GAN: variants seen among roughly 807,000 people sequenced by gnomAD.
GAN encodes the protein epididymis secretory sperm binding protein.
In GAN, 48 loss-of-function variants were observed where a neutral mutation model predicts 71.3. The observed-to-expected ratio is 0.67, with a 90% CI of 0.53 to 0.86. GAN has a LOEUF of 0.86. GAN is among the 40% of genes least tolerant of loss of function. The probability of loss-of-function intolerance (pLI) is 0.00; values close to 1 mark genes in which losing one functional copy is unlikely to be tolerated. For missense variants in GAN, 928 were observed against 770.1 expected (o/e 1.21, Z -2.43); for synonymous variants, 386 against 276.8 (o/e 1.39, Z -3.92).
In GAN at chr16:81,378,794, CTCCTTTCCT is replaced by C. The variant is rs942955695; in HGVS notation, c.*1199_*1207del. On this transcript the variant is annotated 3_prime_UTR_variant, in exon 11 of 11. Transcript: ENST00000648994. The stretch of plus-strand genomic sequence containing the variant: ...AGCAAATTAATCTTTTCCTCCTTCC[CTCCTTTCCT>C]ATCTCTCATTCTCACCTCAACCCAC... The C allele has an allele frequency of 5.9e-5, 9 of 152,692 alleles. No homozygotes were observed. The highest frequency in any genetic ancestry group is 1.9e-4 in the African/African-American group (8 of 41,558). 9.5% of individuals were successfully genotyped at this position (152,692 alleles called of 1,614,324 possible). A position where few individuals can be genotyped will look rare whatever the true frequency, so the allele number is the denominator to read the frequency against.
rs1283217508 is a variant in GAN, at chr16:81,389,409, A to G, written c.*11813A>G. The G allele has an allele frequency of 6.6e-6, 1 of 152,170 alleles. No individual in the cohort carries two copies. The highest frequency in any genetic ancestry group is 1.9e-4 in the East Asian group (1 of 5,202). 9.4% of individuals were successfully genotyped at this position (152,170 alleles called of 1,614,324 possible). A position where few individuals can be genotyped will look rare whatever the true frequency, so the allele number is the denominator to read the frequency against. ...GTGGCCTCAGCAGAAGTTTTGAACA[A>G]TCTTTGCAGCCACTGTTGGGGTGTG... is the stretch of plus-strand genomic sequence containing the variant. On this transcript the variant is annotated 3_prime_UTR_variant, in exon 11 of 11. Transcript: ENST00000648994.
At chr16:81,317,489 G>T (rs796474978) in intron 1 of GAN, among the ~76,000 whole-genome samples, 33 of 152,352 alleles carry the variant, frequency 2.2e-4, no homozygotes, top group African/African-American at 7.9e-4. Context: ...GAAGAAATAC[G>T]TAATAGTGTT....
At chr16:81,353,400 G>C (rs1480179628) in intron 2 of GAN, among the ~76,000 whole-genome samples, 2 of 151,262 alleles carry the variant, frequency 1.3e-5, no homozygotes, top group Non-Finnish European at 2.9e-5. Flanking sequence ...GCCTATATTT[G>C]AAGAGTCTAC....
intron 1 of GAN, among the ~76,000 whole-genome samples, chr16:81,340,781 G>A (rs748819297): frequency 6.6e-6 from 1 of 151,954 alleles, no homozygotes; most frequent in Non-Finnish European, 1.5e-5. Flanking sequence ...AAAACTGGAT[G>A]GATAATGAAT....
In GAN at chr16:81,378,517, T is replaced by C. The variant is rs1904289909; in HGVS notation, c.*921T>C. The stretch of plus-strand genomic sequence containing the variant: ...GCTAAAAAAGCAAAAACAAAAAAGC[T>C]ATCCAGACAAAATACATAGGGATCA... On this transcript the variant is annotated 3_prime_UTR_variant, in exon 11 of 11. Coordinates refer to ENST00000648994, the MANE Select transcript of GAN (RefSeq NM_022041.4). 2 of 152,216 alleles carry C rather than the reference T, an allele frequency of 1.3e-5. No individual in the cohort carries two copies. Among genetic ancestry groups the C allele is most frequent in the Admixed American group, 1.3e-4 (2 of 15,274 alleles). The allele number at this position is 152,216 out of a possible 1,614,324, so 9.4% of individuals were successfully genotyped here.
intron 9 of GAN, among the ~76,000 whole-genome samples, chr16:81,372,954 C>CT (rs1911082278): frequency 6.6e-6 from 1 of 152,172 alleles, no homozygotes; most frequent in African/African-American, 2.4e-5. Flanking sequence ...TCCCAGCAGA[C>CT]TACCTGACAC....
chr16:81,339,292 T>C (rs1197203564), intron 1 of GAN, among the ~76,000 whole-genome samples: 1 of 152,210 alleles, frequency 6.6e-6, no homozygotes, highest in Non-Finnish European at 1.5e-5. Context: ...CATTAAAGTT[T>C]GAGAAGCACT....
Position 81,354,691 on chromosome 16 carries a change from G to A in GAN, c.569G>A (p.Gly190Asp). The A allele has an allele frequency of 6.2e-7, 1 of 1,613,514 alleles. No homozygotes were observed. Among genetic ancestry groups the A allele is most frequent in the Non-Finnish European group, 8.5e-7 (1 of 1,179,422 alleles). Reference sequence around the variant, plus strand: ...ATTTCTCTTGAGAAGTTAAACGTTGGCAATGAAAGATATGTCTTTGAAGCA... The same window carrying A: ...ATTTCTCTTGAGAAGTTAAACGTTGACAATGAAAGATATGTCTTTGAAGCA... ...EVISLEKLNVGNERYVFEAVI... is the reference protein window; with the variant it reads ...EVISLEKLNVDNERYVFEAVI... The change falls in exon 3 of 11, where the codon GGC becomes GAC. Residue 190 changes from glycine (G) to aspartate (D), a missense_variant. By Grantham distance (94) the Gly-to-Asp change is moderately conservative. Coordinates refer to ENST00000648994, the MANE Select transcript of GAN (RefSeq NM_022041.4).
intron 1 of GAN, among the ~76,000 whole-genome samples, chr16:81,344,217 C>T (rs755993084): frequency 6.6e-6 from 1 of 152,192 alleles, no homozygotes; most frequent in African/African-American, 2.4e-5. Flanking sequence ...ATGCTATCCC[C>T]ATCAAGCTGC....
chr16:81,332,084 C>G lies in GAN; in HGVS notation c.167+16804C>G, dbSNP rs539530824. ...GCTGAGGCAGGAGAATCGCTTGAAC[C>G]TGGGAGGCAGAGGTTGCGGTGAGCC... On this transcript the variant is annotated intron_variant, in intron 1 of 10. Coordinates refer to ENST00000648994, the MANE Select transcript of GAN (RefSeq NM_022041.4). Among the ~76,000 whole-genome samples, 149 of 151,542 alleles carry G rather than the reference C, an allele frequency of 9.8e-4. 1 individual carries two copies. Among genetic ancestry groups the G allele is most frequent in the Non-Finnish European group, 1.5e-3 (102 of 67,984 alleles).
In GAN at chr16:81,329,388, T is replaced by C. The variant is rs1376512031; in HGVS notation, c.167+14108T>C. On this transcript the variant is annotated intron_variant, in intron 1 of 10. Coordinates refer to ENST00000648994, the MANE Select transcript of GAN (RefSeq NM_022041.4). ...TGGCCAAATAAACTCTCTACTTATA[T>C]TGGAAAAAAAGAAAAAAAGTAAACA... 3.3e-5 allele frequency among the ~76,000 whole-genome samples: 5 copies of C among 152,258 alleles called. No individual in the cohort carries two copies. The South Asian group carries it at 6.2e-4, about 19-fold the overall frequency.
In GAN at chr16:81,315,232, A is replaced by G; in HGVS notation, c.119A>G (p.Glu40Gly). ...GCGCACCTGGTCCTCGACGGGGAGGAGATCCCGGTGCAGAAGAACATCCTG... is the reference window on the plus strand; with the variant it reads ...GCGCACCTGGTCCTCGACGGGGAGGGGATCCCGGTGCAGAAGAACATCCTG... ...CDAHLVLDGE[E>G]IPVQKNILAA... The change falls in exon 1 of 11, where the codon GAG becomes GGG. Residue 40 changes from glutamate (E) to glycine (G), a missense_variant. By Grantham distance (98) the Glu-to-Gly change is moderately conservative (BLOSUM62 -2). Coordinates refer to ENST00000648994, the MANE Select transcript of GAN (RefSeq NM_022041.4). The G allele has an allele frequency of 6.3e-7, 1 of 1,581,868 alleles. No homozygotes were observed. The highest frequency in any genetic ancestry group is 8.6e-7 in the Non-Finnish European group (1 of 1,166,178).
intron 9 of GAN, among the ~76,000 whole-genome samples, chr16:81,376,296 C>A (rs1251607844): frequency 6.6e-6 from 1 of 151,916 alleles, no homozygotes; most frequent in Non-Finnish European, 1.5e-5. Context: ...TCATAACAGC[C>A]AAAAACTGGA....
intron 1 of GAN, among the ~76,000 whole-genome samples, chr16:81,317,664 A>G (rs1327459851): frequency 6.6e-6 from 1 of 152,264 alleles, no homozygotes; most frequent in Non-Finnish European, 1.5e-5. Context: ...AACTAGGATT[A>G]GACTCCAAAT....
At position 81,386,158 on chromosome 16, in the gene GAN, C is replaced by G. The variant is rs1281080767; in HGVS notation, c.*8562C>G. On this transcript the variant is annotated 3_prime_UTR_variant, in exon 11 of 11. Transcript: ENST00000648994. ...CAGCCCAAAATATGTGTTTAGAATA[C>G]TTAGAGTTTGTTATAAATAACCCTC... The G allele has an allele frequency of 6.6e-6, 1 of 152,202 alleles. No homozygotes were observed. Among genetic ancestry groups the G allele is most frequent in the East Asian group, 1.9e-4 (1 of 5,196 alleles). 9.4% of individuals were successfully genotyped at this position (152,202 alleles called of 1,614,324 possible). A position where few individuals can be genotyped will look rare whatever the true frequency, so the allele number is the denominator to read the frequency against.
intron 9 of GAN, among the ~76,000 whole-genome samples, chr16:81,367,686 C>G (rs149753398): frequency 6.6e-6 from 1 of 152,120 alleles, no homozygotes; most frequent in African/African-American, 2.4e-5. Context: ...ACATATAACA[C>G]CAAATGCCAT....
chr16:81,357,832 A>T lies in GAN; in HGVS notation c.874A>T (p.Met292Leu). 1 of 1,613,312 alleles carries T rather than the reference A, an allele frequency of 6.2e-7. No homozygotes were observed. The highest frequency in any genetic ancestry group is 8.5e-7 in the Non-Finnish European group (1 of 1,179,204). Residue 292 changes from methionine (M) to leucine (L), a missense_variant, in exon 5 of 11, where the codon ATG becomes TTG. Coordinates refer to ENST00000648994, the MANE Select transcript of GAN (RefSeq NM_022041.4). ...ERVSRKPTAA[M>L]RCMCPLYDPN... ...TAGTTCACGGAAACCCACAGCAGCG[A>T]TGCGATGCATGTGCCCTCTCTATGA...
At chr16:81,334,976 A>G (rs1272849342) in intron 1 of GAN, among the ~76,000 whole-genome samples, 4 of 152,150 alleles carry the variant, frequency 2.6e-5, no homozygotes, top group Admixed American at 6.5e-5. Context: ...ATGGATATTG[A>G]CATTAAACAA....
At chr16:81,370,979 T>C (rs1467521081) in intron 9 of GAN, among the ~76,000 whole-genome samples, 4 of 142,022 alleles carry the variant, frequency 2.8e-5, no homozygotes, top group African/African-American at 5.0e-5. Context: ...CATGCTGATA[T>C]GTTTTATTTT....
Sources: gnomAD v4.1 joint callset for allele counts (sites outside exome capture counted in the v4.1 genomes callset) on GRCh38, gnomAD v4.1.1 for gene constraint, MANE v1.5 for transcripts, NCBI Gene and HGNC (gene_info 2026-07-23, HGNC 2026-07-21) for gene names.